Variants in EPS15 observed in about 807,000 individuals in gnomAD.
The protein encoded by EPS15 is epidermal growth factor receptor pathway substrate 15, also known as epidermal growth factor receptor substrate 15.
Under a neutral mutation model 113.8 loss-of-function variants are expected in EPS15, and 72 were observed. That is an observed-to-expected ratio of 0.63 (90% CI 0.52 to 0.77). EPS15 has a LOEUF of 0.77. EPS15 is among the 30% of genes least tolerant of loss of function. The pLI, the probability that EPS15 is intolerant of heterozygous loss-of-function variation, is 0.00. For missense variants in EPS15, 1,048 were observed against 1,045.8 expected (o/e 1.00, Z -0.03); for synonymous variants, 344 against 363.4 (o/e 0.95, Z 0.61).
chr1:51,455,690 G>A (rs945236572), intron 8 of EPS15, among the ~76,000 whole-genome samples: 5 of 152,022 alleles, frequency 3.3e-5, no homozygotes, highest in African/African-American at 1.2e-4. Flanking sequence ...AGTTAAACTC[G>A]GAAATATATT....
intron 8 of EPS15, among the ~76,000 whole-genome samples, chr1:51,448,593 G>A (rs1292441155): frequency 6.6e-6 from 1 of 152,122 alleles, no homozygotes; most frequent in Non-Finnish European, 1.5e-5. Context: ...AATCTCAGAT[G>A]AAAACTGTAA....
At chr1:51,460,962 A>G in intron 8 of EPS15, 129 bp downstream of exon 8, 1 of 629,464 alleles carries the variant, frequency 1.6e-6, no homozygotes, top group South Asian at 2.0e-5. Context: ...TCAAAAAGAA[A>G]AAAAAAAAAA....
In EPS15 at chr1:51,361,190, T is replaced by G. The variant is rs763660782; in HGVS notation, c.2525A>C (p.Asn842Thr). 2.5e-6 allele frequency: 4 copies of G among 1,613,844 alleles called. No homozygotes were observed. The highest frequency in any genetic ancestry group is 3.4e-6 in the Non-Finnish European group (4 of 1,179,864). The part of the protein sequence containing the change: ...TTTNKEADPS[N>T]FANFSAYPSE... ...ACTTACAGCACTGAAGTTGGCAAAATTGCTTGGATCAGCCTCTTTATTGGT... is the reference window on the plus strand; with the variant it reads ...ACTTACAGCACTGAAGTTGGCAAAAGTGCTTGGATCAGCCTCTTTATTGGT... The change falls in exon 24 of 25, where the codon AAT becomes ACT. Residue 842 changes from asparagine (N) to threonine (T), a missense_variant. Asn to Thr is a moderately conservative substitution (Grantham distance 65). Coordinates refer to ENST00000371733, the MANE Select transcript of EPS15 (RefSeq NM_001981.3).
At chr1:51,397,632 G>A (rs1018585612) in intron 20 of EPS15, among the ~76,000 whole-genome samples, 5 of 152,048 alleles carry the variant, frequency 3.3e-5, no homozygotes, top group Middle Eastern at 3.2e-3. Flanking sequence ...CCAGGGAAAC[G>A]AAAAATATTC....
At chr1:51,374,350 C>T (rs964317799) in intron 21 of EPS15, among the ~76,000 whole-genome samples, 1 of 152,178 alleles carries the variant, frequency 6.6e-6, no homozygotes, top group Admixed American at 6.5e-5. Context: ...GGTACGGTTG[C>T]TCATGCCTGT....
At chr1:51,359,848 C>T (rs896872658) in intron 24 of EPS15, among the ~76,000 whole-genome samples, 4 of 151,834 alleles carry the variant, frequency 2.6e-5, no homozygotes, top group African/African-American at 9.7e-5. Context: ...GAGAAGCCAC[C>T]AGAACTTAGA....
intron 12 of EPS15, among the ~76,000 whole-genome samples, chr1:51,430,562 C>T (rs538086286): frequency 1.4e-5 from 2 of 140,040 alleles, no homozygotes; most frequent in East Asian, 4.1e-4. Context: ...AGCAAGACTT[C>T]GTCTCAAAAA....
At chr1:51,407,874 A>G (rs998676012) in intron 15 of EPS15, among the ~76,000 whole-genome samples, 3 of 152,180 alleles carry the variant, frequency 2.0e-5, no homozygotes, top group African/African-American at 7.2e-5. Flanking sequence ...AGTAAGTGGC[A>G]CACCAGTACT....
intron 16 of EPS15, 120 bp downstream of exon 16, chr1:51,405,785 G>A: frequency 1.3e-6 from 1 of 769,652 alleles, no homozygotes; most frequent in East Asian, 2.5e-5. Context: ...CTTCTAAAAA[G>A]GAAATCTCAA....
chr1:51,389,087 G>A (rs1239645187), intron 21 of EPS15, among the ~76,000 whole-genome samples: 10 of 152,206 alleles, frequency 6.6e-5, no homozygotes, highest in South Asian at 4.2e-4. Flanking sequence ...CTGGCAAACC[G>A]AATCCAGCAG....
At chr1:51,412,326 G>A (rs1266516792) in intron 13 of EPS15, among the ~76,000 whole-genome samples, 8 of 152,144 alleles carry the variant, frequency 5.3e-5, no homozygotes, top group African/African-American at 1.7e-4. Flanking sequence ...GTATACCTAT[G>A]TAACAAACCT....
intron 8 of EPS15, among the ~76,000 whole-genome samples, chr1:51,454,678 C>T (rs953218297): frequency 2.0e-5 from 3 of 152,100 alleles, no homozygotes; most frequent in Non-Finnish European, 4.4e-5. Flanking sequence ...AACTCATATA[C>T]CAGAGAGACT....
At chr1:51,474,774 T>C (rs1041263309) in intron 2 of EPS15, among the ~76,000 whole-genome samples, 22 of 151,994 alleles carry the variant, frequency 1.4e-4, no homozygotes, top group Non-Finnish European at 2.9e-4. Context: ...GCTGGTGTGC[T>C]GCACCCATTA....
At chr1:51,443,336 AAGC>A (rs1235413390) in intron 11 of EPS15, among the ~76,000 whole-genome samples, 1 of 152,198 alleles carries the variant, frequency 6.6e-6, no homozygotes, top group African/African-American at 2.4e-5. Context: ...AGGTGAAAGA[AAGC>A]ATGAAACAAC....
chr1:51,461,245 G>A, intron 7 of EPS15, 95 bp from the exon 8 acceptor site: 1 of 890,140 alleles, frequency 1.1e-6, no homozygotes, highest in South Asian at 1.4e-5. Flanking sequence ...AGGAATGGTG[G>A]CTCATGCCCA....
At chr1:51,431,799 C>A (rs144281202) in intron 12 of EPS15, among the ~76,000 whole-genome samples, 448 of 152,008 alleles carry the variant, frequency 2.9e-3, no homozygotes, top group Non-Finnish European at 4.7e-3. Flanking sequence ...ACTTATCTGG[C>A]AGGACAAAAT....
At chr1:51,507,715 CAT>C (rs1442933991) in intron 1 of EPS15, among the ~76,000 whole-genome samples, 6 of 151,084 alleles carry the variant, frequency 4.0e-5, no homozygotes, top group Non-Finnish European at 7.4e-5. Context: ...TATATACACA[CAT>C]ATATATGTGT....
intron 1 of EPS15, among the ~76,000 whole-genome samples, chr1:51,488,926 C>T (rs183033494): frequency 1.3e-5 from 2 of 152,120 alleles, no homozygotes; most frequent in Non-Finnish European, 2.9e-5. Context: ...CTTCTCATAG[C>T]TGGCTAGAAT....
rs11205852 is a variant in EPS15, at chr1:51,513,497, C to T, written c.33+5702G>A. Among the ~76,000 whole-genome samples, 739 of 152,210 alleles carry T rather than the reference C, an allele frequency of 4.9e-3. 7 individuals are homozygous for T. Among genetic ancestry groups the T allele is most frequent in the African/African-American group, 0.016 (682 of 41,538 alleles). The stretch of plus-strand genomic sequence containing the variant: ...TATACAGTATACATATATATTTATT[C>T]GCATATACACAGACTATTACTGGAA... On this transcript the variant is annotated intron_variant, in intron 1 of 24. Transcript: ENST00000371733.
Sources: allele counts gnomAD v4.1 joint callset (sites outside exome capture counted in the v4.1 genomes callset), GRCh38; gene constraint gnomAD v4.1.1; transcripts MANE v1.5; gene names NCBI Gene and HGNC (gene_info 2026-07-23, HGNC 2026-07-21).